The following CFAP92 variants were observed in gnomAD, a reference collection of about 807,000 sequenced individuals.
CFAP92 encodes cilia and flagella associated protein 92 (putative), also known as uncharacterized protein CFAP92.
Under a neutral mutation model 106.3 loss-of-function variants are expected in CFAP92, and 86 were observed. That is an observed-to-expected ratio of 0.81 (90% CI 0.68 to 0.97). CFAP92 has a LOEUF of 0.97. Ranked by LOEUF, CFAP92 falls within the 50% of genes least tolerant of loss-of-function variation. CFAP92 has a pLI of 0.00. For missense variants in CFAP92, 1,204 were observed against 1,283.8 expected, an observed-to-expected ratio of 0.94 and a Z score of 0.95; for synonymous variants, 477 against 506.4, an observed-to-expected ratio of 0.94 and a Z score of 0.78.
intron 9 of CFAP92, among the ~76,000 whole-genome samples, chr3:128,963,142 C>T (rs1039966839): frequency 6.6e-6 from 1 of 152,182 alleles, no homozygotes; most frequent in Non-Finnish European, 1.5e-5. Context: ...TGGCATAATT[C>T]TCATAAAAAC....
Position 128,910,329 on chromosome 3 carries a change from CCTGA to C in CFAP92, c.3281_3284del (p.Val1094GlyfsTer87). The C allele has an allele frequency of 5.1e-4, 747 of 1,475,910 alleles. 1 individual carries two copies. The highest frequency in any genetic ancestry group is 2.8e-3 in the African/African-American group (198 of 71,546). The allele number at this position is 1,475,910 out of a possible 1,614,324, so 91.4% of individuals were successfully genotyped here. A position where few individuals can be genotyped will look rare whatever the true frequency, so the allele number is the denominator to read the frequency against. ...AGATGGGGCTGTTCCCTTTCTTCTT[CCTGA>C]CTGAGAGAAGAGGGGGTGAGTGACA... On this transcript the variant is annotated frameshift_variant and splice_region_variant, in exon 16 of 16. Transcript: ENST00000645291. LOFTEE classifies it low-confidence loss of function (END_TRUNC).
chr3:128,971,723 A>T (rs543465285), intron 7 of CFAP92, among the ~76,000 whole-genome samples: 12 of 152,348 alleles, frequency 7.9e-5, no homozygotes, highest in African/African-American at 2.9e-4. Context: ...CAATGATGCC[A>T]TAACACACTC....
the CFAP92 span, among the ~76,000 whole-genome samples, chr3:129,017,318 G>A: frequency 2.6e-5 from 4 of 152,244 alleles, no homozygotes; most frequent in Non-Finnish European, 4.4e-5. Flanking sequence ...TTGGATGGCT[G>A]AATTTGGTTT....
intron 2 of CFAP92, chr3:128,991,860 A>G: frequency 5.1e-6 from 5 of 987,734 alleles, no homozygotes; most frequent in Non-Finnish European, 6.0e-6. Context: ...TGAAAACAAA[A>G]CAAAGCAAGG....
Position 128,968,671 on chromosome 3 carries a change from C to G in CFAP92, c.1168+2616G>C, listed in dbSNP as rs1351060960. On this transcript the variant is annotated intron_variant, in intron 8 of 15. Transcript: ENST00000645291. Reference sequence around the variant, plus strand: ...GGTAGGAGTAATCACCCCCATTTCACAGAGGAGGAAAGTGAGACTCAGAGA... The same window carrying G: ...GGTAGGAGTAATCACCCCCATTTCAGAGAGGAGGAAAGTGAGACTCAGAGA... The G allele has an allele frequency of 2.6e-5, 4 of 152,374 alleles. No individual in the cohort carries two copies. In the East Asian group the frequency reaches 7.7e-4, roughly 29 times the overall value. The allele number at this position is 152,374 out of a possible 1,614,324, so 9.4% of individuals were successfully genotyped here.
chr3:129,002,048 C>A (rs771513415), intron 1 of CFAP92: 1 of 1,541,450 alleles, frequency 6.5e-7, no homozygotes, highest in South Asian at 1.2e-5. Flanking sequence ...CGCCGGAGCT[C>A]ACCTTCCGCC....
At chr3:128,953,372 G>A (rs549383333) in intron 9 of CFAP92, among the ~76,000 whole-genome samples, 259 of 152,016 alleles carry the variant, frequency 1.7e-3, no homozygotes, top group Non-Finnish European at 2.8e-3. Flanking sequence ...AAAATTAGCC[G>A]GGCGTGGTGG....
intron 9 of CFAP92, among the ~76,000 whole-genome samples, chr3:128,958,458 A>G (rs1336284155): frequency 3.3e-5 from 5 of 152,242 alleles, no homozygotes; most frequent in Non-Finnish European, 7.3e-5. Flanking sequence ...ATATTGTGCT[A>G]TAGTTATGAA....
chr3:128,985,437 C>G (rs1163412800), intron 4 of CFAP92, among the ~76,000 whole-genome samples: 1 of 152,186 alleles, frequency 6.6e-6, no homozygotes, highest in Non-Finnish European at 1.5e-5. Context: ...TGTACTCCAA[C>G]CTGGGCAACA....
At chr3:128,984,169 C>T (rs970706973) in intron 4 of CFAP92, among the ~76,000 whole-genome samples, 1 of 152,176 alleles carries the variant, frequency 6.6e-6, no homozygotes, top group Non-Finnish European at 1.5e-5. Flanking sequence ...AGAAATCGAG[C>T]AGACGAGCAG....
the CFAP92 span, among the ~76,000 whole-genome samples, chr3:129,023,646 AAATTT>A: frequency 1.3e-5 from 2 of 152,174 alleles, no homozygotes; most frequent in African/African-American, 4.8e-5. Context: ...CTTGATTCTT[AAATTT>A]AACAATGGTT....
At chr3:128,921,072 C>T (rs1474958849) in intron 12 of CFAP92, among the ~76,000 whole-genome samples, 2 of 152,170 alleles carry the variant, frequency 1.3e-5, no homozygotes, top group African/African-American at 4.8e-5. Context: ...GAGCTCGGGG[C>T]CTTCACAGCC....
intron 12 of CFAP92, among the ~76,000 whole-genome samples, chr3:128,931,278 C>G (rs544270103): frequency 6.6e-6 from 1 of 152,026 alleles, no homozygotes; most frequent in African/African-American, 2.4e-5. Context: ...CCTGTGCTTC[C>G]CAGGCTCAAG....
At chr3:128,939,815 G>A (rs1939449980) in intron 10 of CFAP92, among the ~76,000 whole-genome samples, 1 of 152,174 alleles carries the variant, frequency 6.6e-6, no homozygotes, top group Non-Finnish European at 1.5e-5. Context: ...GCGCAACCTA[G>A]GTCCCTCGCA....
chr3:128,976,683 C>T (rs909536392), intron 6 of CFAP92, among the ~76,000 whole-genome samples: 17 of 152,170 alleles, frequency 1.1e-4, no homozygotes, highest in Non-Finnish European at 2.2e-4. Flanking sequence ...TCTGGTTTAT[C>T]ACTTTGTGTA....
At chr3:128,959,018 T>C (rs886738133) in intron 9 of CFAP92, among the ~76,000 whole-genome samples, 4 of 151,940 alleles carry the variant, frequency 2.6e-5, no homozygotes, top group African/African-American at 7.3e-5. Flanking sequence ...TGAGACCAGA[T>C]TGACCAACAT....
At chr3:129,008,010 G>A in the CFAP92 span, among the ~76,000 whole-genome samples, 78 of 152,356 alleles carry the variant, frequency 5.1e-4, no homozygotes, top group Non-Finnish European at 1.0e-3. Context: ...TTTGGGCTGT[G>A]AGCCGTCTTT....
rs1046989828 is a variant in CFAP92 at position 128,925,199 on chromosome 3, A to G, written c.2751+7501T>C. On this transcript the variant is annotated intron_variant, in intron 12 of 15. Coordinates refer to ENST00000645291, the MANE Select transcript of CFAP92 (RefSeq NM_001394090.1). The stretch of plus-strand genomic sequence containing the variant: ...GCCAGTGGGAGAGGGTTGTATGGGC[A>G]TGGTTTGGGGATGAAACTGTTCCAC... Among the ~76,000 whole-genome samples the G allele has an allele frequency of 2.4e-4, 37 of 152,214 alleles. 1 individual carries two copies. The highest frequency in any genetic ancestry group is 8.7e-4 in the African/African-American group (36 of 41,450).
chr3:129,004,037 CG>C, upstream of CFAP92: 1 of 1,511,254 alleles, frequency 6.6e-7, no homozygotes. Flanking sequence ...CGGCTTGCAG[CG>C]CTGGGTGCGG....
Sources: allele counts gnomAD v4.1 joint callset (sites outside exome capture counted in the v4.1 genomes callset), GRCh38; gene constraint gnomAD v4.1.1; transcripts MANE v1.5; gene names NCBI Gene and HGNC (gene_info 2026-07-23, HGNC 2026-07-21).